Variants in NRXN2 observed in about 807,000 individuals in gnomAD.
NRXN2 encodes the protein neurexin-2-beta.
NRXN2 carries 29 observed loss-of-function variants against 128.8 expected under a neutral mutation model. That is an observed-to-expected ratio of 0.23 (90% CI 0.17 to 0.31). The LOEUF (loss-of-function observed/expected upper bound fraction) is 0.31. Among genes scored for constraint, NRXN2 ranks in the 10% least tolerant of loss-of-function variants. The pLI, the probability that NRXN2 is intolerant of heterozygous loss-of-function variation, is 1.00. For missense variants in NRXN2, 1,881 were observed against 2,452.6 expected, an observed-to-expected ratio of 0.77 and a Z score of 4.92; for synonymous variants, 1,098 against 1,075.2, an observed-to-expected ratio of 1.02 and a Z score of -0.41.
Position 64,699,425 on chromosome 11 carries a change from C to CTAT in NRXN2, c.731-1634_731-1633insATA, listed in dbSNP as rs1184352839. ...TAAAAGATACATGTCTAATAGTTTT[C>CTAT]TTTTTTTTTTTTTTTTTTTTTTGAG... On this transcript the variant is annotated intron_variant, in intron 2 of 22. Transcript: ENST00000265459. Among the ~76,000 whole-genome samples the CTAT allele has an allele frequency of 8.7e-5, 8 of 92,130 alleles. 1 individual carries two copies. In the Admixed American group the frequency reaches 1.3e-3, roughly 15 times the overall value. 60.4% of individuals were successfully genotyped at this position (92,130 alleles called of 152,430 possible). A position where few individuals can be genotyped will look rare whatever the true frequency, so the allele number is the denominator to read the frequency against.
chr11:64,607,021 G>A lies in NRXN2; in HGVS notation c.*175C>T. 1 of 681,950 alleles carries A rather than the reference G, an allele frequency of 1.5e-6. No homozygotes were observed. The highest frequency in any genetic ancestry group is 2.4e-6 in the Non-Finnish European group (1 of 413,884). The allele number at this position is 681,950 out of a possible 1,614,324, so 42.2% of individuals were successfully genotyped here. ...GACGAGGCCGCGCAGTGGACGGCAG[G>A]AGGAAGGGGGCGAGCACGGGGTTTT... On this transcript the variant is annotated 3_prime_UTR_variant, in exon 23 of 23. Transcript: ENST00000265459.
intron 2 of NRXN2, among the ~76,000 whole-genome samples, chr11:64,709,283 C>G (rs1019796405): frequency 6.6e-6 from 1 of 151,806 alleles, no homozygotes; most frequent in East Asian, 1.9e-4. Context: ...TCCAAGGAAG[C>G]CTGGGGATTC....
chr11:64,634,958 G>T (rs2044482621), intron 18 of NRXN2, among the ~76,000 whole-genome samples: 1 of 152,202 alleles, frequency 6.6e-6, no homozygotes, highest in Non-Finnish European at 1.5e-5. Flanking sequence ...CAGGAGAATG[G>T]CCTGGAAGTC....
chr11:64,650,861 T>G (rs1333867352), intron 14 of NRXN2, among the ~76,000 whole-genome samples: 1 of 152,132 alleles, frequency 6.6e-6, no homozygotes, highest in African/African-American at 2.4e-5. Flanking sequence ...GAGCCGGCTC[T>G]TGTGACACAA....
At chr11:64,688,615 T>A in intron 5 of NRXN2, 1 of 985,354 alleles carries the variant, frequency 1.0e-6, no homozygotes, top group Non-Finnish European at 1.2e-6. Context: ...GACTGGGAAC[T>A]ACAACTCCCA....
At chr11:64,711,094 T>A (rs1204862522) in intron 2 of NRXN2, among the ~76,000 whole-genome samples, 3 of 152,118 alleles carry the variant, frequency 2.0e-5, no homozygotes, top group Non-Finnish European at 4.4e-5. Context: ...CAAACGACTC[T>A]CCCAAGTGCA....
intron 7 of NRXN2, among the ~76,000 whole-genome samples, chr11:64,671,907 C>A (rs558149155): frequency 1.3e-5 from 2 of 152,088 alleles, no homozygotes; most frequent in Non-Finnish European, 2.9e-5. Context: ...GACACACCTG[C>A]GTACATACCA....
intron 1 of NRXN2, among the ~76,000 whole-genome samples, chr11:64,718,954 C>T (rs1293575028): frequency 6.6e-6 from 1 of 152,152 alleles, no homozygotes; most frequent in Admixed American, 6.5e-5. Flanking sequence ...CCAGCTCTAC[C>T]CCTATCCAGC....
intron 7 of NRXN2, among the ~76,000 whole-genome samples, chr11:64,674,966 A>G (rs1474267649): frequency 2.6e-5 from 4 of 152,224 alleles, no homozygotes; most frequent in Admixed American, 1.3e-4. Flanking sequence ...CATGTGGTCA[A>G]TTTTTAACCA....
chr11:64,680,731 C>T (rs998902853), intron 6 of NRXN2, among the ~76,000 whole-genome samples: 1 of 152,116 alleles, frequency 6.6e-6, no homozygotes, highest in African/African-American at 2.4e-5. Flanking sequence ...ATCTGAGAAA[C>T]GCTGTGACAG....
chr11:64,635,566 A>G lies in NRXN2; in HGVS notation c.3404-114T>C, dbSNP rs930687258. 9.2e-6 allele frequency: 11 copies of G among 1,191,400 alleles called. No homozygotes were observed. The highest frequency in any genetic ancestry group is 2.0e-5 in the Admixed American group (1 of 50,818). The allele number at this position is 1,191,400 out of a possible 1,614,324, so 73.8% of individuals were successfully genotyped here. A position where few individuals can be genotyped will look rare whatever the true frequency, so the allele number is the denominator to read the frequency against. Reference sequence around the variant, plus strand: ...ACCCCAGGTCTAGATGTGGGACTTCAGCTGTGATACCCACAGCAGCCACCA... The same window carrying G: ...ACCCCAGGTCTAGATGTGGGACTTCGGCTGTGATACCCACAGCAGCCACCA... On this transcript the variant is annotated intron_variant, in intron 17 of 22. Transcript: ENST00000265459. This position sits in a 1 kb window ranked among gnomAD's most constrained non-coding sequence, Gnocchi z 4.8.
Position 64,648,085 on chromosome 11 carries a change from C to T in NRXN2, c.3403+134G>A. 1.5e-6 allele frequency: 2 copies of T among 1,294,366 alleles called. No homozygotes were observed. Among genetic ancestry groups the T allele is most frequent in the Non-Finnish European group, 2.2e-6 (2 of 912,658 alleles). The allele number at this position is 1,294,366 out of a possible 1,614,324, so 80.2% of individuals were successfully genotyped here. A position where few individuals can be genotyped will look rare whatever the true frequency, so the allele number is the denominator to read the frequency against. ...AGGCCACAGCTCCCCTGGGACTCTG[C>T]AGACAAGGGATGAGAAGGAAGAAGC... On this transcript the variant is annotated intron_variant, in intron 17 of 22. Coordinates refer to ENST00000265459, the MANE Select transcript of NRXN2 (RefSeq NM_015080.4). This position sits in a 1 kb window ranked among gnomAD's most constrained non-coding sequence, Gnocchi z 4.1.
Position 64,631,659 on chromosome 11 carries a change from GAACC to G in NRXN2, c.3586-1090_3586-1087del, listed in dbSNP as rs1421839841. ...CTCATGAGAAGGAAGCCCCAGATTTGAACCCCAGCTAGTCTGACTTCAAAGCCAG... is the reference window on the plus strand; with the variant it reads ...CTCATGAGAAGGAAGCCCCAGATTTGCCAGCTAGTCTGACTTCAAAGCCAG... On this transcript the variant is annotated intron_variant, in intron 18 of 22. Transcript: ENST00000265459. This position sits in a 1 kb window ranked among gnomAD's most constrained non-coding sequence, Gnocchi z 4.8. Among the ~76,000 whole-genome samples, 2 of 152,086 alleles carry G rather than the reference GAACC, an allele frequency of 1.3e-5. No homozygotes were observed. Among genetic ancestry groups the G allele is most frequent in the Non-Finnish European group, 2.9e-5 (2 of 68,014 alleles).
At chr11:64,626,086 C>T (rs985629927) in intron 20 of NRXN2, among the ~76,000 whole-genome samples, 2 of 152,154 alleles carry the variant, frequency 1.3e-5, no homozygotes, top group African/African-American at 4.8e-5. Flanking sequence ...ACCAAGCCTC[C>T]GAGATGATTC....
At chr11:64,636,958 T>C (rs887572027) in intron 17 of NRXN2, among the ~76,000 whole-genome samples, 5 of 152,016 alleles carry the variant, frequency 3.3e-5, no homozygotes, top group African/African-American at 1.2e-4. Context: ...CCTGAGTGCT[T>C]TGGGGGGAGC....
intron 11 of NRXN2, chr11:64,655,947 C>T (rs1022537593): frequency 1.3e-5 from 2 of 152,228 alleles, no homozygotes; most frequent in Non-Finnish European, 2.9e-5. Context: ...GAGTGGTCTT[C>T]GTGGCACAGA....
chr11:64,618,690 C>T (rs980945075), intron 22 of NRXN2, among the ~76,000 whole-genome samples: 1 of 152,172 alleles, frequency 6.6e-6, no homozygotes, highest in African/African-American at 2.4e-5. Context: ...GAGCCAAGAT[C>T]GCCCCAGGGG....
At chr11:64,712,636 T>C in intron 2 of NRXN2, 1 of 478,164 alleles carries the variant, frequency 2.1e-6, no homozygotes, top group Non-Finnish European at 4.2e-6. Context: ...CACGAACGCC[T>C]CACAGACCCT....
intron 22 of NRXN2, among the ~76,000 whole-genome samples, chr11:64,619,021 C>A (rs2041937557): frequency 6.6e-6 from 1 of 152,184 alleles, no homozygotes; most frequent in South Asian, 2.1e-4. Context: ...ACACCCCTTC[C>A]AAGGTCGTGG....
Sources: gnomAD v4.1 joint callset for allele counts (sites outside exome capture counted in the v4.1 genomes callset) on GRCh38, gnomAD v4.1.1 for gene constraint, Gnocchi (gnomAD v3.1) non-coding constraint, MANE v1.5 for transcripts, NCBI Gene and HGNC (gene_info 2026-07-23, HGNC 2026-07-21) for gene names.